The following DNAH10 variants were observed in gnomAD, a reference collection of about 807,000 sequenced individuals.
The protein encoded by DNAH10 is axonemal beta dynein heavy chain 10.
In DNAH10, 348 loss-of-function variants were observed where a neutral mutation model predicts 506.6. The observed-to-expected ratio is 0.69, with a 90% confidence interval of 0.63 to 0.75. The LOEUF (loss-of-function observed/expected upper bound fraction) is 0.75. DNAH10 is among the 30% of genes least tolerant of loss of function. DNAH10 has a pLI of 0.00. For synonymous variants in DNAH10, 2,059 were observed against 2,198.6 expected, an observed-to-expected ratio of 0.94 and a Z score of 1.78; for missense variants, 5,179 against 5,787.1, an observed-to-expected ratio of 0.89 and a Z score of 3.41.
chr12:123,926,762 G>A lies in DNAH10; in HGVS notation c.12047G>A (p.Arg4016Gln), dbSNP rs1051360754. The A allele has an allele frequency of 3.1e-6, 5 of 1,613,998 alleles. No homozygotes were observed. Among genetic ancestry groups the A allele is most frequent in the Admixed American group, 3.3e-5 (2 of 60,018 alleles). The change falls in exon 69 of 79, where the codon CGA becomes CAA. Residue 4016 changes from arginine (R) to glutamine (Q), a missense_variant. Around this residue, in one of 3 missense-constraint regions of DNAH10, gnomAD observed 4,844 missense variants for 5,430.5 expected, o/e 0.89. Coordinates refer to ENST00000673944, the MANE Select transcript of DNAH10 (RefSeq NM_001372106.1). The surrounding 1 kb of genome is among the most constrained non-coding windows in gnomAD (Gnocchi z 4.1). ...PATDLMKLAE[R>Q]SGFGGNRLKF... ...ACTGATCTTATGAAATTAGCAGAGC[G>A]AAGTGGTTTTGGAGGAAATCGCCTC...
At position 123,845,692 on chromosome 12, in the gene DNAH10, C is replaced by G. The variant is rs150137374; in HGVS notation, c.5453C>G (p.Ala1818Gly). ...GAGGTGGAAGACGTCTTCCACAAAG[C>G]GCAAAAAGGGGAGAAGCAGGCCATG... ...TWEVEDVFHK[A>G]QKGEKQAMKN... is the part of the protein sequence containing the mutation. The change falls in exon 31 of 79, where the codon GCG becomes GGG. Residue 1818 changes from alanine to glycine, a missense_variant. Ala to Gly is a moderately conservative substitution (Grantham distance 60). Transcript: ENST00000673944. The G allele has an allele frequency of 3.1e-6, 5 of 1,613,532 alleles. No homozygotes were observed. The Middle Eastern group carries it at 4.9e-4, about 160-fold the overall frequency.
Position 123,830,534 on chromosome 12 carries a change from A to G in DNAH10, c.4392-12A>G. ...AGTAAGCATAAAGATTTGAATGCTG[A>G]TGTGCTTTCAGGCATTGGAAAGAAC... On this transcript the variant is annotated splice_polypyrimidine_tract_variant and intron_variant, in intron 25 of 78. Coordinates refer to ENST00000673944, the MANE Select transcript of DNAH10 (RefSeq NM_001372106.1). 10 of 1,610,970 alleles carry G rather than the reference A, an allele frequency of 6.2e-6. No individual in the cohort carries two copies. The highest frequency in any genetic ancestry group is 8.5e-6 in the Non-Finnish European group (10 of 1,178,270).
intron 28 of DNAH10, among the ~76,000 whole-genome samples, chr12:123,837,388 A>G (rs1241623588): frequency 6.6e-6 from 1 of 151,678 alleles, no homozygotes; most frequent in Non-Finnish European, 1.5e-5. Context: ...ACAAATATCA[A>G]TTCATTACAG....
rs1286694300 is a variant in DNAH10 at position 123,917,994 on chromosome 12, G to A, written c.11232+181G>A. On this transcript the variant is annotated intron_variant, in intron 64 of 78. Coordinates refer to ENST00000673944, the MANE Select transcript of DNAH10 (RefSeq NM_001372106.1). This position sits in a 1 kb window ranked among gnomAD's most constrained non-coding sequence, Gnocchi z 5.6. ...TAAAGGTGTTCCCAGGGACCCTTGGGCATCAGGTCAGTCTCTTTAAATCGA... is the reference window on the plus strand; with the variant it reads ...TAAAGGTGTTCCCAGGGACCCTTGGACATCAGGTCAGTCTCTTTAAATCGA... Among the ~76,000 whole-genome samples, 1 of 152,214 alleles carries A rather than the reference G, an allele frequency of 6.6e-6. No homozygotes were observed. The highest frequency in any genetic ancestry group is 1.5e-5 in the Non-Finnish European group (1 of 68,030).
chr12:123,897,630 TG>T, intron 54 of DNAH10, 139 bp from the exon 55 acceptor site: 1 of 810,352 alleles, frequency 1.2e-6, no homozygotes, highest in Non-Finnish European at 1.9e-6. Flanking sequence ...GAGGCTGAGG[TG>T]GGAGGATCAC....
chr12:123,796,724 A>C lies in DNAH10; in HGVS notation c.2055A>C (p.Pro685=), dbSNP rs1392853911. Residue 685 remains proline (P), a synonymous_variant, in exon 13 of 79, where the codon CCA becomes CCC. Transcript: ENST00000673944. The stretch of plus-strand genomic sequence containing the variant: ...CACCACTGTATAAGAATCACCCTCC[A>C]GTAGCAGGTGCAATATACTGGGAAC... ...ENPPLYKNHP[P]VAGAIYWERS... is the part of the protein sequence containing the mutation. The C allele has an allele frequency of 3.1e-6, 5 of 1,613,946 alleles. No individual in the cohort carries two copies. The highest frequency in any genetic ancestry group is 4.2e-6 in the Non-Finnish European group (5 of 1,179,990).
Position 123,787,658 on chromosome 12 carries a change from C to G in DNAH10, c.1422-146C>G. On this transcript the variant is annotated intron_variant, in intron 9 of 78. Coordinates refer to ENST00000673944, the MANE Select transcript of DNAH10 (RefSeq NM_001372106.1). The surrounding 1 kb of genome is among the most constrained non-coding windows in gnomAD (Gnocchi z 4.6). ...GCACATGGGACAGGGCAGCCGCTTG[C>G]CCGCTCTGCCTTTTCCGATGAGGCC... The G allele has an allele frequency of 1.1e-6, 1 of 944,402 alleles. No homozygotes were observed. Among genetic ancestry groups the G allele is most frequent in the Non-Finnish European group, 1.6e-6 (1 of 632,768 alleles). 58.5% of individuals were successfully genotyped at this position (944,402 alleles called of 1,614,324 possible).
At chr12:123,868,736 T>C (rs1244688637) in intron 43 of DNAH10, among the ~76,000 whole-genome samples, 1 of 152,260 alleles carries the variant, frequency 6.6e-6, no homozygotes, top group Non-Finnish European at 1.5e-5. Context: ...TAGATGGCTT[T>C]TGAAGTTGTA....
At chr12:123,837,707 T>C (rs1274913216) in intron 28 of DNAH10, among the ~76,000 whole-genome samples, 2 of 150,510 alleles carry the variant, frequency 1.3e-5, no homozygotes, top group African/African-American at 4.9e-5. Context: ...CCCAGGTAGC[T>C]GGGACTGCAG....
At chr12:123,767,126 T>G (rs1201027466) in intron 1 of DNAH10, among the ~76,000 whole-genome samples, 1 of 152,136 alleles carries the variant, frequency 6.6e-6, no homozygotes, top group Admixed American at 6.5e-5. Context: ...CAGGCTGGTC[T>G]CGAGCTCCCG....
chr12:123,867,517 C>G lies in DNAH10; in HGVS notation c.7218C>G (p.Leu2406=). The change falls in exon 42 of 79, where the codon CTC becomes CTG. Residue 2406 remains leucine (L), a synonymous_variant. Transcript: ENST00000673944. ...TCTTTGAGAAGTATGTGCCCTATCT[C>G]ATGGATGTGATAGTGGAAGGAATTG... The part of the protein sequence containing the change: ...NSLFEKYVPY[L]MDVIVEGIVD... 1 of 1,613,930 alleles carries G rather than the reference C, an allele frequency of 6.2e-7. No homozygotes were observed. The highest frequency in any genetic ancestry group is 2.2e-5 in the East Asian group (1 of 44,886).
Position 123,762,679 on chromosome 12 carries a change from T to G in DNAH10, c.214+129T>G. On this transcript the variant is annotated intron_variant, in intron 1 of 78. Coordinates refer to ENST00000673944, the MANE Select transcript of DNAH10 (RefSeq NM_001372106.1). This position sits in a 1 kb window ranked among gnomAD's most constrained non-coding sequence, Gnocchi z 5.0. ...GGCCTCAGGTGCTGTCCACAAACGC[T>G]GCCGCCCGCCACGTGCAGGCCCCGG... 1 of 954,666 alleles carries G rather than the reference T, an allele frequency of 1.0e-6. No homozygotes were observed. The highest frequency in any genetic ancestry group is 1.9e-5 in the South Asian group (1 of 52,342). The allele number at this position is 954,666 out of a possible 1,614,324, so 59.1% of individuals were successfully genotyped here.
At chr12:123,852,576 C>CTT (rs10713531) in intron 35 of DNAH10, among the ~76,000 whole-genome samples, 4 of 142,090 alleles carry the variant, frequency 2.8e-5, no homozygotes, top group East Asian at 2.0e-4. Context: ...CATTTACAGC[C>CTT]TTTTTTTTTT....
Position 123,903,490 on chromosome 12 carries a change from T to A in DNAH10, c.9815+377T>A, listed in dbSNP as rs7978781. ...GGCTGAGCCCTGCTGAAAACAGCTC[T>A]GCAGAGATGTGTGCACACCACGGCC... On this transcript the variant is annotated intron_variant, in intron 57 of 78. Transcript: ENST00000673944. The surrounding 1 kb of genome is among the most constrained non-coding windows in gnomAD (Gnocchi z 4.6). 0.038 allele frequency among the ~76,000 whole-genome samples: 5,837 copies of A among 152,254 alleles called. 346 individuals are homozygous for A. Among genetic ancestry groups the A allele is most frequent in the African/African-American group, 0.12 (5,037 of 41,528 alleles).
intron 37 of DNAH10, 52 bp downstream of exon 37, chr12:123,857,299 T>C (rs1226335368): frequency 3.7e-5 from 53 of 1,446,642 alleles, no homozygotes; most frequent in Non-Finnish European, 4.2e-5. Context: ...TCCATTGGCT[T>C]TTTGTTTTTG....
At chr12:123,832,264 A>C (rs2136515543) in intron 26 of DNAH10, among the ~76,000 whole-genome samples, 1 of 152,320 alleles carries the variant, frequency 6.6e-6, no homozygotes, top group Admixed American at 6.5e-5. Flanking sequence ...ACATGTACAC[A>C]TAATGTACAC....
chr12:123,866,604 G>C (rs1260127835), intron 41 of DNAH10, among the ~76,000 whole-genome samples: 1 of 152,104 alleles, frequency 6.6e-6, no homozygotes, highest in African/African-American at 2.4e-5. Flanking sequence ...GGATTGGTTG[G>C]TCTAGACCAG....
rs1192636322 is a variant in DNAH10, at chr12:123,853,915, TACGCACACGCACGCAC to T, written c.6438+576_6438+591del. Among the ~76,000 whole-genome samples, 6 of 143,606 alleles carry T rather than the reference TACGCACACGCACGCAC, an allele frequency of 4.2e-5. No individual in the cohort carries two copies. The highest frequency in any genetic ancestry group is 3.5e-4 in the Admixed American group (5 of 14,408). 94.2% of individuals were successfully genotyped at this position (143,606 alleles called of 152,430 possible). A position where few individuals can be genotyped will look rare whatever the true frequency, so the allele number is the denominator to read the frequency against. ...ACACGTACGCACGCACATGTACACA[TACGCACACGCACGCAC>T]ACGCACACGCACACACACACACATT... On this transcript the variant is annotated intron_variant, in intron 36 of 78. Coordinates refer to ENST00000673944, the MANE Select transcript of DNAH10 (RefSeq NM_001372106.1). This position sits in a 1 kb window ranked among gnomAD's most constrained non-coding sequence, Gnocchi z 4.7.
intron 50 of DNAH10, among the ~76,000 whole-genome samples, chr12:123,880,423 T>C (rs183746176): frequency 5.6e-4 from 85 of 152,294 alleles, no homozygotes; most frequent in African/African-American, 2.0e-3. Flanking sequence ...CTCTGCAGCC[T>C]CAACCTCCTG....
Sources: allele counts gnomAD v4.1 joint callset (sites outside exome capture counted in the v4.1 genomes callset), GRCh38; gene constraint gnomAD v4.1.1; regional missense constraint gnomAD v4.1.1; non-coding constraint Gnocchi (gnomAD v3.1); transcripts MANE v1.5; gene names NCBI Gene and HGNC (gene_info 2026-07-23, HGNC 2026-07-21).